Variants in CELF2 observed in about 807,000 individuals in gnomAD.
CELF2 encodes the protein CUG triplet repeat RNA-binding protein 2.
In CELF2, 8 loss-of-function variants were observed where a neutral mutation model predicts 62.6. The observed-to-expected ratio is 0.13, with a 90% confidence interval of 0.07 to 0.23. The LOEUF is 0.23. Ranked by LOEUF, CELF2 falls within the 10% of genes least tolerant of loss-of-function variation. The pLI, the probability that CELF2 is intolerant of heterozygous loss-of-function variation, is 1.00. For missense variants in CELF2, 333 were observed against 671.0 expected, an observed-to-expected ratio of 0.50 and a Z score of 5.56; for synonymous variants, 258 against 250.0, an observed-to-expected ratio of 1.03 and a Z score of -0.30.
chr10:11,062,626 C>T (rs2067065420), intron 1 of CELF2, among the ~76,000 whole-genome samples: 1 of 152,164 alleles, frequency 6.6e-6, no homozygotes, highest in East Asian at 1.9e-4. Flanking sequence ...GCTGCAGTGT[C>T]ATGATCAAAC....
chr10:10,725,418 G>A, the CELF2 span, among the ~76,000 whole-genome samples: 82 of 152,282 alleles, frequency 5.4e-4, 1 homozygote, highest in Middle Eastern at 0.014. Context: ...GATTGTGACG[G>A]GTGAAGAACA....
intron 1 of CELF2, among the ~76,000 whole-genome samples, chr10:11,104,269 C>CT (rs2052721765): frequency 6.6e-6 from 1 of 152,212 alleles, no homozygotes; most frequent in Admixed American, 6.5e-5. Flanking sequence ...TTATAATCCT[C>CT]TATCAGGTGA....
chr10:11,295,166 G>A (rs1204054929), intron 9 of CELF2, among the ~76,000 whole-genome samples: 5 of 151,980 alleles, frequency 3.3e-5, no homozygotes, highest in Admixed American at 6.5e-5. Context: ...AACATGTTCT[G>A]TAAATAAAAT....
the CELF2 span, among the ~76,000 whole-genome samples, chr10:10,636,824 G>C: frequency 6.6e-6 from 1 of 152,132 alleles, no homozygotes; most frequent in Non-Finnish European, 1.5e-5. Flanking sequence ...GGTTCACCAA[G>C]TTCTGAAAAC....
rs1023606147 is a variant in CELF2 at position 11,192,726 on chromosome 10, C to T, written c.272-24699C>T. Among the ~76,000 whole-genome samples the T allele has an allele frequency of 9.2e-5, 14 of 152,170 alleles. 1 individual carries two copies. The East Asian group carries it at 2.3e-3, about 25-fold the overall frequency. On this transcript the variant is annotated intron_variant, in intron 2 of 12. Coordinates refer to ENST00000633077, the MANE Select transcript of CELF2 (RefSeq NM_001326342.2). ...TTCTTTTCACCGAGTTCACATGGGA[C>T]TCAAATGGGATGCCATGGTTTTAAC... is the stretch of plus-strand genomic sequence containing the variant.
At chr10:11,286,246 A>G (rs1480803976) in intron 8 of CELF2, among the ~76,000 whole-genome samples, 1 of 152,198 alleles carries the variant, frequency 6.6e-6, no homozygotes, top group Non-Finnish European at 1.5e-5. Context: ...GGAGGGTCAT[A>G]TATGTCCTGG....
chr10:10,772,254 A>T, the CELF2 span, among the ~76,000 whole-genome samples: 33 of 152,196 alleles, frequency 2.2e-4, no homozygotes, highest in African/African-American at 7.7e-4. Flanking sequence ...GGGAATTTGG[A>T]CTTGCAGTCT....
chr10:10,725,145 A>G, the CELF2 span, among the ~76,000 whole-genome samples: 3 of 152,198 alleles, frequency 2.0e-5, no homozygotes, highest in Non-Finnish European at 4.4e-5. Context: ...AATTTCCCTA[A>G]GGGTGGCTTT....
chr10:11,050,415 G>A (rs2063707016), intron 1 of CELF2, among the ~76,000 whole-genome samples: 2 of 152,234 alleles, frequency 1.3e-5, no homozygotes, highest in Non-Finnish European at 2.9e-5. Flanking sequence ...GAGTGACACT[G>A]CTGCAGAAGT....
At chr10:11,265,384 T>C (rs536507492) in intron 5 of CELF2, among the ~76,000 whole-genome samples, 16 of 152,214 alleles carry the variant, frequency 1.1e-4, no homozygotes, top group Non-Finnish European at 2.2e-4. Flanking sequence ...TTTGAGGAAA[T>C]TGAGTGGAAC....
chr10:11,079,731 G>A (rs1347829240), intron 1 of CELF2, among the ~76,000 whole-genome samples: 1 of 125,164 alleles, frequency 8.0e-6, no homozygotes, highest in East Asian at 2.4e-4. Flanking sequence ...TGTGAGAATG[G>A]ACTAATACAG....
intron 1 of CELF2, chr10:10,846,046 AC>A (rs778722831): frequency 3.1e-5 from 29 of 947,082 alleles, no homozygotes; most frequent in Non-Finnish European, 3.5e-5. Context: ...TAACCTGTGA[AC>A]CCCCTTTCAT....
chr10:10,489,722 G>T, the CELF2 span, among the ~76,000 whole-genome samples: 2 of 152,074 alleles, frequency 1.3e-5, no homozygotes, highest in African/African-American at 4.8e-5. Context: ...TGAGAGTGAT[G>T]TGTGCTAATA....
At chr10:10,549,406 C>G in the CELF2 span, among the ~76,000 whole-genome samples, 1 of 152,194 alleles carries the variant, frequency 6.6e-6, no homozygotes, top group Non-Finnish European at 1.5e-5. Flanking sequence ...GCCTTAGTCT[C>G]CCAAGTAGCT....
At chr10:10,699,194 C>G in the CELF2 span, among the ~76,000 whole-genome samples, 1 of 152,210 alleles carries the variant, frequency 6.6e-6, no homozygotes, top group Non-Finnish European at 1.5e-5. Context: ...ATTGTGCATT[C>G]ATATCTGTAT....
chr10:11,160,316 A>T (rs2065416654), intron 1 of CELF2, among the ~76,000 whole-genome samples: 1 of 152,214 alleles, frequency 6.6e-6, no homozygotes, highest in Non-Finnish European at 1.5e-5. Flanking sequence ...ATGAGAACTC[A>T]GGCCTCCTGG....
intron 2 of CELF2, among the ~76,000 whole-genome samples, chr10:11,197,067 A>AAAG (rs1565234225): frequency 2.0e-5 from 2 of 101,314 alleles, no homozygotes; most frequent in African/African-American, 4.4e-5. Flanking sequence ...GAAAAGAAAG[A>AAAG]AAGGAAAGAA....
rs1345362287 is a variant in CELF2 at position 11,256,571 on chromosome 10, TTC to T, written c.404-1165_404-1164del. Among the ~76,000 whole-genome samples the T allele has an allele frequency of 2.0e-3, 259 of 127,602 alleles. 2 individuals are homozygous for T. Among genetic ancestry groups the T allele is most frequent in the South Asian group, 7.4e-3 (30 of 4,052 alleles). 83.7% of individuals were successfully genotyped at this position (127,602 alleles called of 152,430 possible). A position where few individuals can be genotyped will look rare whatever the true frequency, so the allele number is the denominator to read the frequency against. ...TTCAGTCTGGCTGCAGCTGGCTAGC[TTC>T]TTTTTTTTTTTTTTTTAATTCTAAG... On this transcript the variant is annotated intron_variant, in intron 4 of 12. Coordinates refer to ENST00000633077, the MANE Select transcript of CELF2 (RefSeq NM_001326342.2).
intron 2 of CELF2, among the ~76,000 whole-genome samples, chr10:10,939,065 C>T (rs956893934): frequency 2.0e-5 from 3 of 152,100 alleles, no homozygotes; most frequent in African/African-American, 7.2e-5. Context: ...AGGGCCCTGA[C>T]AGTCTCCACC....
Sources: allele counts gnomAD v4.1 joint callset (sites outside exome capture counted in the v4.1 genomes callset), GRCh38; gene constraint gnomAD v4.1.1; transcripts MANE v1.5; gene names NCBI Gene and HGNC (gene_info 2026-07-23, HGNC 2026-07-21).